SORBS2: variants seen among roughly 807,000 people sequenced by gnomAD.
SORBS2 encodes the protein sorbin and SH3 domain-containing protein 2.
A neutral mutation model predicts 97.7 loss-of-function variants in SORBS2; 46 were observed. The observed-to-expected ratio is 0.47, with a 90% CI of 0.37 to 0.60. SORBS2 has a LOEUF of 0.60. SORBS2 is among the 20% of genes least tolerant of loss of function. SORBS2 has a pLI of 0.00. For missense variants in SORBS2, 1,316 were observed against 1,282.3 expected, an observed-to-expected ratio of 1.03 and a Z score of -0.40; for synonymous variants, 476 against 473.4, an observed-to-expected ratio of 1.01 and a Z score of -0.07.
At chr4:185,834,776 C>T (rs913239331) in intron 1 of SORBS2, among the ~76,000 whole-genome samples, 4 of 152,082 alleles carry the variant, frequency 2.6e-5, no homozygotes, top group African/African-American at 9.7e-5. Context: ...AAAATAATCA[C>T]GTTTTGCTAG....
intron 1 of SORBS2, among the ~76,000 whole-genome samples, chr4:185,850,706 T>G (rs1035398606): frequency 6.6e-5 from 10 of 152,182 alleles, no homozygotes; most frequent in African/African-American, 2.2e-4. Flanking sequence ...GAGCATGTGA[T>G]GGTTAATTTT....
At chr4:185,799,666 G>C (rs1393530531) in intron 1 of SORBS2, among the ~76,000 whole-genome samples, 5 of 152,178 alleles carry the variant, frequency 3.3e-5, no homozygotes, top group East Asian at 1.9e-4. Flanking sequence ...ATTTGGAAGA[G>C]AGTCTTTCTA....
chr4:185,953,954 G>A (rs1006805386), intron 1 of SORBS2, among the ~76,000 whole-genome samples: 10 of 152,224 alleles, frequency 6.6e-5, no homozygotes, highest in African/African-American at 1.7e-4. Context: ...AGGACATCCC[G>A]GAGGGAGACG....
intron 2 of SORBS2, among the ~76,000 whole-genome samples, chr4:185,728,114 G>A (rs530053960): frequency 1.3e-5 from 2 of 151,952 alleles, no homozygotes; most frequent in African/African-American, 2.4e-5. Flanking sequence ...CTGAGTCTGC[G>A]GGTCTATCCA....
At chr4:185,868,159 C>CTTTCTTTTTTTTTTTTTT (rs59057506) in intron 1 of SORBS2, among the ~76,000 whole-genome samples, 5 of 105,218 alleles carry the variant, frequency 4.8e-5, no homozygotes, top group African/African-American at 2.0e-4. Context: ...TTTTTTCTTT[C>CTTTCTTTTTTTTTTTTTT]TTTTTTTTTT....
chr4:185,877,847 G>A (rs1467974975), intron 1 of SORBS2, among the ~76,000 whole-genome samples: 1 of 136,952 alleles, frequency 7.3e-6, no homozygotes, highest in East Asian at 2.1e-4. Flanking sequence ...TCCAGCCTGG[G>A]TGACAGAGTG....
At chr4:185,797,643 C>G (rs1464710911) in intron 1 of SORBS2, among the ~76,000 whole-genome samples, 1 of 152,166 alleles carries the variant, frequency 6.6e-6, no homozygotes, top group Non-Finnish European at 1.5e-5. Context: ...GTGCTATTAT[C>G]TCTTCCCCCT....
chr4:185,835,888 C>T (rs55730227), intron 1 of SORBS2, among the ~76,000 whole-genome samples: 1 of 152,002 alleles, frequency 6.6e-6, no homozygotes, highest in East Asian at 1.9e-4. Context: ...CCGTCTATTA[C>T]AGATGTGAAG....
intron 1 of SORBS2, among the ~76,000 whole-genome samples, chr4:185,946,396 T>C (rs1031045495): frequency 2.6e-5 from 4 of 152,078 alleles, no homozygotes; most frequent in African/African-American, 9.7e-5. Flanking sequence ...CAGGGATGGG[T>C]TGGAAAGAGC....
intron 1 of SORBS2, among the ~76,000 whole-genome samples, chr4:185,950,090 A>G (rs2099276483): frequency 6.6e-6 from 1 of 152,160 alleles, no homozygotes; most frequent in Non-Finnish European, 1.5e-5. Context: ...CATCTCTACT[A>G]AAAATACAAA....
At chr4:185,886,621 C>T (rs1052937205) in intron 1 of SORBS2, among the ~76,000 whole-genome samples, 3 of 149,862 alleles carry the variant, frequency 2.0e-5, no homozygotes, top group Admixed American at 1.3e-4. Flanking sequence ...GTGGCCTGGT[C>T]TGGTTCTGCT....
rs7672060 is a variant in SORBS2 at position 185,673,972 on chromosome 4, C to T, written c.-46+4451G>A. 9.8e-3 allele frequency among the ~76,000 whole-genome samples: 1,497 copies of T among 152,302 alleles called. 23 individuals are homozygous for T. Among genetic ancestry groups the T allele is most frequent in the African/African-American group, 0.034 (1,404 of 41,558 alleles). ...AGAGGACACTGCTTTCAGTCTCCTC[C>T]ACTGCTTCTTCCTCTTAATGTTGAG... On this transcript the variant is annotated intron_variant, in intron 4 of 20. Transcript: ENST00000284776.
chr4:185,681,419 G>T (rs545613391), intron 2 of SORBS2, among the ~76,000 whole-genome samples: 1 of 150,686 alleles, frequency 6.6e-6, no homozygotes, highest in African/African-American at 2.4e-5. Context: ...AAAAAAAGTC[G>T]CCCAGGTAAA....
In SORBS2 at chr4:185,642,312, C is replaced by T. The variant is rs369108078; in HGVS notation, c.396+4356G>A. On this transcript the variant is annotated intron_variant, in intron 4 of 14. Transcript: ENST00000418609. ...TTTCTTCTGCTTTTATCATTATGTTCAAGTTTAGTTATTGTAGGTTAGGGT... is the reference window on the plus strand; with the variant it reads ...TTTCTTCTGCTTTTATCATTATGTTTAAGTTTAGTTATTGTAGGTTAGGGT... Among the ~76,000 whole-genome samples the T allele has an allele frequency of 2.0e-5, 3 of 151,970 alleles. No homozygotes were observed. In the East Asian group the frequency reaches 5.8e-4, roughly 29 times the overall value.
At chr4:185,816,928 G>T (rs2099193587) in intron 1 of SORBS2, among the ~76,000 whole-genome samples, 2 of 152,190 alleles carry the variant, frequency 1.3e-5, no homozygotes, top group Non-Finnish European at 2.9e-5. Context: ...CCCATTAGTT[G>T]TTCCTAGAAC....
At chr4:185,827,276 CCATCATCATCACCAT>C (rs2099201115) in intron 1 of SORBS2, among the ~76,000 whole-genome samples, 2 of 4,864 alleles carry the variant, frequency 4.1e-4, no homozygotes, top group African/African-American at 6.4e-4. Flanking sequence ...ACCATCATCA[CCATCATCATCACCAT>C]CATCATCATC....
At chr4:185,631,804 C>T (rs2153434343) in intron 4 of SORBS2, among the ~76,000 whole-genome samples, 1 of 151,960 alleles carries the variant, frequency 6.6e-6, no homozygotes, top group African/African-American at 2.4e-5. Context: ...CAAAACAAAA[C>T]AAAACAAAAC....
At chr4:185,619,538 C>T (rs1440850551) in intron 8 of SORBS2, among the ~76,000 whole-genome samples, 3 of 152,214 alleles carry the variant, frequency 2.0e-5, no homozygotes, top group Non-Finnish European at 2.9e-5. Context: ...AGCCCCGGCT[C>T]AGGGCCCTGG....
In SORBS2 at chr4:185,716,253, C is replaced by A. The variant is rs575549894; in HGVS notation, c.-197-37431G>T. On this transcript the variant is annotated intron_variant, in intron 2 of 20. Coordinates refer to the SORBS2 transcript ENST00000284776. ...AGTGTAGATGCTGGAGCCAAGCCAG[C>A]TTTGTGAAAAGCCCATTCTACCATA... 4.7e-4 allele frequency among the ~76,000 whole-genome samples: 71 copies of A among 151,802 alleles called. 1 individual carries two copies. The highest frequency in any genetic ancestry group is 1.5e-3 in the Admixed American group (23 of 15,264).
Sources: allele counts gnomAD v4.1 joint callset (sites outside exome capture counted in the v4.1 genomes callset), GRCh38; gene constraint gnomAD v4.1.1; transcripts MANE v1.5; gene names NCBI Gene and HGNC (gene_info 2026-07-23, HGNC 2026-07-21).